The following ERBB4 variants were observed in gnomAD, a reference collection of about 807,000 sequenced individuals.
The protein encoded by ERBB4 is receptor tyrosine-protein kinase erbB-4.
A neutral mutation model predicts 158.0 loss-of-function variants in ERBB4; 42 were observed. That is an observed-to-expected ratio of 0.27 (90% CI 0.21 to 0.34). The LOEUF (loss-of-function observed/expected upper bound fraction) is 0.34. Among genes scored for constraint, ERBB4 ranks in the 10% least tolerant of loss-of-function variants. The probability of loss-of-function intolerance (pLI) is 1.00; values close to 1 mark genes in which losing one functional copy is unlikely to be tolerated. For synonymous variants in ERBB4, 583 were observed against 558.7 expected (o/e 1.04, Z -0.61); for missense variants, 1,333 against 1,624.1 (o/e 0.82, Z 3.08).
At chr2:212,188,135 T>C (rs1303670639) in intron 1 of ERBB4, among the ~76,000 whole-genome samples, 2 of 148,074 alleles carry the variant, frequency 1.4e-5, no homozygotes, top group Admixed American at 6.9e-5. Context: ...CAGGTAGCCA[T>C]CCATGTCAAA....
intron 16 of ERBB4, among the ~76,000 whole-genome samples, chr2:211,642,545 G>A (rs2070635438): frequency 6.6e-6 from 1 of 152,054 alleles, no homozygotes; most frequent in Non-Finnish European, 1.5e-5. Context: ...CTTTATCTAT[G>A]TAATGATAAG....
intron 1 of ERBB4, among the ~76,000 whole-genome samples, chr2:212,177,356 C>A (rs2081703136): frequency 1.3e-5 from 2 of 151,918 alleles, no homozygotes; most frequent in Non-Finnish European, 1.5e-5. Flanking sequence ...TGCATCAAAT[C>A]AAATAATTAA....
At chr2:212,056,169 A>T (rs1403742469) in intron 2 of ERBB4, among the ~76,000 whole-genome samples, 1 of 152,248 alleles carries the variant, frequency 6.6e-6, no homozygotes, top group Admixed American at 6.5e-5. Context: ...ACTGGAAGAA[A>T]GGGTATCAGT....
In ERBB4 at chr2:212,286,594, C is replaced by CTTTTTT. The variant is rs71054190; in HGVS notation, c.83-161697_83-161692dup. ...AATGAGATGATTACATAAGTGCTGA[C>CTTTTTT]TTTTTTTTTTTTTTTTTTTTTTTTT... On this transcript the variant is annotated intron_variant, in intron 1 of 27. Transcript: ENST00000342788. Among the ~76,000 whole-genome samples the CTTTTTT allele has an allele frequency of 9.2e-3, 511 of 55,506 alleles. 50 individuals carry two copies. Among genetic ancestry groups the CTTTTTT allele is most frequent in the African/African-American group, 0.028 (487 of 17,218 alleles). The allele number at this position is 55,506 out of a possible 152,430, so 36.4% of individuals were successfully genotyped here. A position where few individuals can be genotyped will look rare whatever the true frequency, so the allele number is the denominator to read the frequency against.
chr2:212,498,680 G>T (rs2106230659), intron 1 of ERBB4, among the ~76,000 whole-genome samples: 1 of 151,976 alleles, frequency 6.6e-6, no homozygotes, highest in East Asian at 1.9e-4. Context: ...TTAATATTTA[G>T]ACATTTTGGG....
chr2:212,077,100 C>T (rs994513987), intron 2 of ERBB4, among the ~76,000 whole-genome samples: 11 of 151,954 alleles, frequency 7.2e-5, no homozygotes, highest in South Asian at 2.1e-4. Context: ...TACCACAACA[C>T]ACCTACTATA....
At chr2:211,999,042 T>C (rs541557938) in intron 2 of ERBB4, among the ~76,000 whole-genome samples, 1 of 151,934 alleles carries the variant, frequency 6.6e-6, no homozygotes, top group East Asian at 1.9e-4. Context: ...TTAGAATATT[T>C]TTATTTTAAT....
chr2:211,889,175 G>A (rs897195604), intron 3 of ERBB4, among the ~76,000 whole-genome samples: 2 of 143,606 alleles, frequency 1.4e-5, no homozygotes, highest in Non-Finnish European at 3.0e-5. Flanking sequence ...GAGAGCAGTG[G>A]TTCTCCCAGC....
intron 4 of ERBB4, among the ~76,000 whole-genome samples, chr2:211,761,190 CAAAAAAAAA>C (rs58277006): frequency 1.9e-4 from 17 of 89,950 alleles, no homozygotes; most frequent in East Asian, 6.1e-4. Flanking sequence ...TGAGATTCCT[CAAAAAAAAA>C]AAAAAAAAAA....
intron 5 of ERBB4, among the ~76,000 whole-genome samples, chr2:211,750,415 G>C (rs1447628628): frequency 6.6e-6 from 1 of 152,144 alleles, no homozygotes; most frequent in Non-Finnish European, 1.5e-5. Context: ...CTGTGCTGTT[G>C]AGATCATTAA....
intron 2 of ERBB4, among the ~76,000 whole-genome samples, chr2:212,107,831 T>C (rs1481062266): frequency 6.6e-6 from 1 of 152,102 alleles, no homozygotes; most frequent in Non-Finnish European, 1.5e-5. Flanking sequence ...AAAGGGGAGT[T>C]TCCCTGCACA....
intron 1 of ERBB4, among the ~76,000 whole-genome samples, chr2:212,372,628 A>G (rs1307661860): frequency 6.6e-6 from 1 of 152,148 alleles, no homozygotes; most frequent in Non-Finnish European, 1.5e-5. Context: ...GTGCACCTGT[A>G]GTCCCAGGTA....
intron 2 of ERBB4, among the ~76,000 whole-genome samples, chr2:211,955,489 T>G (rs1039627085): frequency 6.6e-6 from 1 of 152,130 alleles, no homozygotes; most frequent in East Asian, 1.9e-4. Flanking sequence ...TCCTGTATCA[T>G]AGACTTATTA....
At chr2:212,115,315 C>T (rs1042624660) in intron 2 of ERBB4, among the ~76,000 whole-genome samples, 3 of 151,536 alleles carry the variant, frequency 2.0e-5, no homozygotes, top group African/African-American at 7.3e-5. Flanking sequence ...CAAAATTGTT[C>T]ATCAAGTTTA....
At chr2:211,542,214 T>C (rs2066827874) in intron 20 of ERBB4, among the ~76,000 whole-genome samples, 1 of 152,040 alleles carries the variant, frequency 6.6e-6, no homozygotes, top group East Asian at 1.9e-4. Context: ...ACATAGCACA[T>C]GGCCTGCAGG....
intron 1 of ERBB4, among the ~76,000 whole-genome samples, chr2:212,492,102 A>G (rs1690311598): frequency 6.6e-6 from 1 of 151,582 alleles, no homozygotes; most frequent in Non-Finnish European, 1.5e-5. Flanking sequence ...GTGGAATCAG[A>G]AAATACATCT....
At chr2:212,260,223 G>A (rs994254294) in intron 1 of ERBB4, among the ~76,000 whole-genome samples, 4 of 152,058 alleles carry the variant, frequency 2.6e-5, no homozygotes. Flanking sequence ...TAGAGTATGG[G>A]GATATGGTAT....
intron 25 of ERBB4, among the ~76,000 whole-genome samples, chr2:211,397,194 A>C (rs2062938519): frequency 6.6e-6 from 1 of 152,112 alleles, no homozygotes; most frequent in African/African-American, 2.4e-5. Flanking sequence ...GCCATTATTG[A>C]AAAGCCCCCA....
At position 212,439,807 on chromosome 2, in the gene ERBB4, G is replaced by A. The variant is rs182989416; in HGVS notation, c.82+98642C>T. On this transcript the variant is annotated intron_variant, in intron 1 of 27. Transcript: ENST00000342788. ...TCCAACACCTGAGGAAAGTATTTAC[G>A]AATAAAAAAATATAAGAAGCCCTGT... Among the ~76,000 whole-genome samples the A allele has an allele frequency of 2.3e-3, 350 of 151,912 alleles. 1 individual carries two copies. Among genetic ancestry groups the A allele is most frequent in the African/African-American group, 7.0e-3 (290 of 41,458 alleles).
Sources: allele counts gnomAD v4.1 joint callset (sites outside exome capture counted in the v4.1 genomes callset), GRCh38; gene constraint gnomAD v4.1.1; transcripts MANE v1.5; gene names NCBI Gene and HGNC (gene_info 2026-07-23, HGNC 2026-07-21).